The following GRIK1 variants were observed in gnomAD, a reference collection of about 807,000 sequenced individuals.
GRIK1 encodes glutamate ionotropic receptor kainate type subunit 1, also known as glutamate receptor ionotropic, kainate 1.
Under a neutral mutation model 105.7 loss-of-function variants are expected in GRIK1, and 69 were observed. The observed-to-expected ratio is 0.65, with a 90% confidence interval of 0.54 to 0.80. The LOEUF (loss-of-function observed/expected upper bound fraction) is 0.80, where lower values mean the gene tolerates loss of function less well. GRIK1 is among the 30% of genes least tolerant of loss of function. GRIK1 has a pLI of 0.00. For synonymous variants in GRIK1, 438 were observed against 431.3 expected, an observed-to-expected ratio of 1.02 and a Z score of -0.19; for missense variants, 1,109 against 1,167.3, an observed-to-expected ratio of 0.95 and a Z score of 0.73.
rs1467235619 is a variant in GRIK1 at position 29,883,423 on chromosome 21, G to A, written c.118+55960C>T. ...GTTTTACTTCATTAAGTCACTCAGC[G>A]AGACTGACTATTGGTTGTTTCAGGA... On this transcript the variant is annotated intron_variant, in intron 1 of 17. Coordinates refer to ENST00000327783, the MANE Select transcript of GRIK1 (RefSeq NM_001330994.2). Among the ~76,000 whole-genome samples, 5 of 152,010 alleles carry A rather than the reference G, an allele frequency of 3.3e-5. No homozygotes were observed. In the South Asian group the frequency reaches 1.0e-3, roughly 31 times the overall value.
At chr21:29,783,924 T>C (rs547531173) in intron 1 of GRIK1, among the ~76,000 whole-genome samples, 1 of 152,284 alleles carries the variant, frequency 6.6e-6, no homozygotes, top group African/African-American at 2.4e-5. Context: ...GCCCCGACTG[T>C]TGTTTTTTTG....
chr21:29,893,110 A>G (rs945362803), intron 1 of GRIK1, among the ~76,000 whole-genome samples: 2 of 152,224 alleles, frequency 1.3e-5, no homozygotes, highest in African/African-American at 4.8e-5. Flanking sequence ...TGGAAATTTA[A>G]AGATTATCTT....
In GRIK1 at chr21:29,572,649, G is replaced by T. The variant is rs936948715; in HGVS notation, c.2130+4315C>A. Among the ~76,000 whole-genome samples, 3 of 152,258 alleles carry T rather than the reference G, an allele frequency of 2.0e-5. No individual in the cohort carries two copies. The East Asian group carries it at 5.8e-4, about 29-fold the overall frequency. On this transcript the variant is annotated intron_variant, in intron 14 of 17. Coordinates refer to ENST00000327783, the MANE Select transcript of GRIK1 (RefSeq NM_001330994.2). ...GACTTTCTAGAACTCTCTGAATTTT[G>T]CTGAATCTTGGCTCTTCCATTGCTA...
chr21:29,594,417 A>C (rs558521664), intron 9 of GRIK1, among the ~76,000 whole-genome samples: 116 of 152,326 alleles, frequency 7.6e-4, no homozygotes, highest in African/African-American at 2.7e-3. Context: ...AACTAGGAGG[A>C]GTGCCTCCAG....
chr21:29,867,896 G>A (rs60555461), intron 1 of GRIK1, among the ~76,000 whole-genome samples: 3,957 of 113,746 alleles, frequency 0.035, 215 homozygotes, highest in African/African-American at 0.11. Context: ...AAGAGAGAGA[G>A]AGAGAGAAAG....
chr21:29,580,200 G>GTT (rs2090998082), intron 13 of GRIK1, among the ~76,000 whole-genome samples: 4 of 149,154 alleles, frequency 2.7e-5, no homozygotes, highest in African/African-American at 9.8e-5. Flanking sequence ...TGTCAGAGAA[G>GTT]ACAAGCTATA....
intron 7 of GRIK1, among the ~76,000 whole-genome samples, chr21:29,603,943 G>A (rs1259513733): frequency 3.3e-5 from 5 of 152,092 alleles, no homozygotes; most frequent in Non-Finnish European, 5.9e-5. Context: ...TTTTCTAGAG[G>A]CAACTTTTCC....
At chr21:29,749,153 G>A (rs1428524443) in intron 1 of GRIK1, 2 of 152,156 alleles carry the variant, frequency 1.3e-5, no homozygotes, top group African/African-American at 4.8e-5. Context: ...AAGGTGAGTG[G>A]TACTTCTAAC....
chr21:29,848,780 T>TATATATATATATATATATATA (rs1255846155), intron 1 of GRIK1, among the ~76,000 whole-genome samples: 13 of 28,426 alleles, frequency 4.6e-4, no homozygotes, highest in Non-Finnish European at 5.2e-4. Context: ...TATATATATA[T>TATATATATATATATATATATA]TTTTTTTTTT....
intron 7 of GRIK1, chr21:29,630,560 C>T (rs769098427): frequency 8.5e-6 from 4 of 471,658 alleles, no homozygotes; most frequent in East Asian, 1.4e-4. Flanking sequence ...CCAATAATGT[C>T]TGCAAAAAGT....
At chr21:29,797,747 A>G (rs1361042755) in intron 1 of GRIK1, among the ~76,000 whole-genome samples, 1 of 152,222 alleles carries the variant, frequency 6.6e-6, no homozygotes, top group Non-Finnish European at 1.5e-5. Flanking sequence ...CATGAAGAGC[A>G]ACACAATGCC....
At chr21:29,800,087 C>A (rs1018154993) in intron 1 of GRIK1, among the ~76,000 whole-genome samples, 2 of 152,188 alleles carry the variant, frequency 1.3e-5, no homozygotes, top group Non-Finnish European at 2.9e-5. Context: ...TATGCCATGG[C>A]ATGAGAATTT....
chr21:29,760,172 C>T (rs2065470632), intron 1 of GRIK1: 1 of 152,200 alleles, frequency 6.6e-6, no homozygotes, highest in Admixed American at 6.5e-5. Context: ...ATGTTGACTG[C>T]CTATTCTAAG....
In GRIK1 at chr21:29,642,854, C is replaced by G; in HGVS notation, c.1070G>C (p.Gly357Ala). The change falls in exon 7 of 18, where the codon GGA (glycine) becomes GCA (alanine). Residue 357 changes from glycine (G) to alanine (A), a missense_variant. Transcript: ENST00000327783. Reference protein sequence around the residue: ...QCHRHKPWRLGPRFMNLIKEA... With the variant: ...QCHRHKPWRLAPRFMNLIKEA... ...TTTGATCAGGTTCATAAATCTGGGT[C>G]CGAGGCGCCATGGCTTATGTCTATG... 3 of 1,614,130 alleles carry G rather than the reference C, an allele frequency of 1.9e-6. No individual in the cohort carries two copies. Among genetic ancestry groups the G allele is most frequent in the Non-Finnish European group, 2.5e-6 (3 of 1,179,994 alleles).
chr21:29,549,504 A>T (rs1020354561), intron 16 of GRIK1, among the ~76,000 whole-genome samples: 14 of 152,202 alleles, frequency 9.2e-5, no homozygotes, highest in African/African-American at 3.4e-4. Context: ...AACTAGTTTT[A>T]GTCATTCACT....
At chr21:29,838,202 T>G (rs1323256531) in intron 1 of GRIK1, among the ~76,000 whole-genome samples, 3 of 152,144 alleles carry the variant, frequency 2.0e-5, no homozygotes. Flanking sequence ...CAGTAGCGAA[T>G]ATAGTATCAT....
chr21:29,916,301 A>C (rs948215220), intron 1 of GRIK1, among the ~76,000 whole-genome samples: 4 of 151,996 alleles, frequency 2.6e-5, no homozygotes, highest in African/African-American at 9.7e-5. Flanking sequence ...CCCTGGGCAC[A>C]GAATAGACAC....
At chr21:29,794,736 A>T (rs1464354877) in intron 1 of GRIK1, among the ~76,000 whole-genome samples, 3 of 152,108 alleles carry the variant, frequency 2.0e-5, no homozygotes, top group African/African-American at 7.2e-5. Context: ...TTTGTTTTTC[A>T]TGGTAAAGAG....
chr21:29,658,014 A>G (rs2062887391), intron 4 of GRIK1, among the ~76,000 whole-genome samples: 1 of 152,210 alleles, frequency 6.6e-6, no homozygotes, highest in South Asian at 2.1e-4. Flanking sequence ...TTGATACAGT[A>G]CTTGTCTGCC....
Sources: gnomAD v4.1 joint callset for allele counts (sites outside exome capture counted in the v4.1 genomes callset) on GRCh38, gnomAD v4.1.1 for gene constraint, MANE v1.5 for transcripts, NCBI Gene and HGNC (gene_info 2026-07-23, HGNC 2026-07-21) for gene names.